Variants in NKAIN2 observed in about 807,000 individuals in gnomAD.
NKAIN2 encodes sodium/potassium-transporting ATPase subunit beta-1-interacting protein 2.
NKAIN2 carries 14 observed loss-of-function variants against 32.6 expected under a neutral mutation model. The observed-to-expected ratio is 0.43, with a 90% confidence interval of 0.28 to 0.67. The LOEUF (loss-of-function observed/expected upper bound fraction) is 0.67, where lower values mean the gene tolerates loss of function less well. NKAIN2 is among the 30% of genes least tolerant of loss of function. The probability of loss-of-function intolerance (pLI) is 0.17; values close to 1 mark genes in which losing one functional copy is unlikely to be tolerated. For synonymous variants in NKAIN2, 80 were observed against 87.2 expected, an observed-to-expected ratio of 0.92 and a Z score of 0.46; for missense variants, 198 against 258.3, an observed-to-expected ratio of 0.77 and a Z score of 1.60.
At chr6:124,730,414 A>C (rs201266182) in intron 4 of NKAIN2, among the ~76,000 whole-genome samples, 6,569 of 55,640 alleles carry the variant, frequency 0.12, 743 homozygotes, top group Middle Eastern at 0.27. Context: ...CGCATATCTA[A>C]AACTATCTGA....
intron 1 of NKAIN2, among the ~76,000 whole-genome samples, chr6:124,211,903 T>C (rs972019624): frequency 1.3e-5 from 2 of 152,096 alleles, no homozygotes; most frequent in African/African-American, 4.8e-5. Flanking sequence ...ATATTCACTT[T>C]TCTTTGTGTG....
chr6:124,510,109 T>A (rs574846916), intron 3 of NKAIN2, among the ~76,000 whole-genome samples: 3 of 151,982 alleles, frequency 2.0e-5, no homozygotes, highest in Admixed American at 2.0e-4. Context: ...CAGGAATAAT[T>A]ACCATGATTT....
At chr6:124,117,460 G>A (rs2114981983) in intron 1 of NKAIN2, among the ~76,000 whole-genome samples, 1 of 152,258 alleles carries the variant, frequency 6.6e-6, no homozygotes, top group South Asian at 2.1e-4. Context: ...CTACTCTGTT[G>A]TAATTTTAGT....
intron 3 of NKAIN2, among the ~76,000 whole-genome samples, chr6:124,529,320 A>G (rs1017242802): frequency 2.6e-5 from 4 of 152,158 alleles, no homozygotes; most frequent in African/African-American, 9.7e-5. Flanking sequence ...GGCCTAAACA[A>G]TGTCACCAAG....
rs536145771 is a variant in NKAIN2, at chr6:124,479,136, A to T, written c.273+123789A>T. Among the ~76,000 whole-genome samples, 17 of 152,288 alleles carry T rather than the reference A, an allele frequency of 1.1e-4. No homozygotes were observed. The South Asian group carries it at 3.1e-3, about 28-fold the overall frequency. On this transcript the variant is annotated intron_variant, in intron 3 of 6. Coordinates refer to ENST00000368417, the MANE Select transcript of NKAIN2 (RefSeq NM_001040214.3). ...TCATCAAAAGCAAGGAAATCTGAGA[A>T]ATTATCATAGTTTAGAGGAGCCTGG...
chr6:124,442,005 C>T (rs1257324813), intron 3 of NKAIN2, among the ~76,000 whole-genome samples: 1 of 152,026 alleles, frequency 6.6e-6, no homozygotes, highest in Non-Finnish European at 1.5e-5. Flanking sequence ...TGGGCTGATG[C>T]TGAGTCTTCT....
At chr6:124,170,801 T>A (rs1037504101) in intron 1 of NKAIN2, among the ~76,000 whole-genome samples, 3 of 152,148 alleles carry the variant, frequency 2.0e-5, no homozygotes, top group African/African-American at 7.2e-5. Flanking sequence ...CTAGGGTGTT[T>A]ATATTTAGCT....
At chr6:123,818,354 AACACACAC>A (rs36066775) in intron 1 of NKAIN2, among the ~76,000 whole-genome samples, 4,162 of 144,556 alleles carry the variant, frequency 0.029, 78 homozygotes, top group Middle Eastern at 0.046. Context: ...TTCTTGTGGA[AACACACAC>A]ACACACACAC....
chr6:123,867,862 ATTTTTT>A (rs1201240894), intron 1 of NKAIN2, among the ~76,000 whole-genome samples: 8 of 129,200 alleles, frequency 6.2e-5, no homozygotes, highest in Non-Finnish European at 1.2e-4. Flanking sequence ...TACTGGGTTC[ATTTTTT>A]TTTTTTTTTT....
intron 3 of NKAIN2, among the ~76,000 whole-genome samples, chr6:124,430,480 C>T (rs1313502774): frequency 6.6e-6 from 1 of 152,036 alleles, no homozygotes; most frequent in Non-Finnish European, 1.5e-5. Context: ...GACGGTTTGG[C>T]CTGCAGTCTT....
intron 1 of NKAIN2, among the ~76,000 whole-genome samples, chr6:123,995,856 G>T (rs1411081312): frequency 6.6e-6 from 1 of 152,110 alleles, no homozygotes; most frequent in Non-Finnish European, 1.5e-5. Flanking sequence ...GAAATATTAT[G>T]TCTGTCATTC....
At chr6:123,929,297 A>G (rs888115608) in intron 1 of NKAIN2, among the ~76,000 whole-genome samples, 1 of 152,132 alleles carries the variant, frequency 6.6e-6, no homozygotes, top group Non-Finnish European at 1.5e-5. Context: ...AATTGTTGCC[A>G]TGGCTTTTTG....
chr6:124,235,623 G>A (rs963000420), intron 1 of NKAIN2, among the ~76,000 whole-genome samples: 4 of 149,802 alleles, frequency 2.7e-5, no homozygotes, highest in African/African-American at 9.8e-5. Flanking sequence ...TCCTGAGACA[G>A]AGTCTCACTC....
chr6:124,512,298 T>C (rs1007018996), intron 3 of NKAIN2, among the ~76,000 whole-genome samples: 7 of 152,194 alleles, frequency 4.6e-5, no homozygotes, highest in African/African-American at 1.4e-4. Context: ...CCGGAGGCTC[T>C]ACTTCTTCCC....
At chr6:123,848,095 A>G (rs750580269) in intron 1 of NKAIN2, among the ~76,000 whole-genome samples, 4 of 152,240 alleles carry the variant, frequency 2.6e-5, no homozygotes, top group Admixed American at 6.5e-5. Context: ...GAAAGTGGAA[A>G]TACTTCCTCA....
intron 5 of NKAIN2, among the ~76,000 whole-genome samples, chr6:124,800,564 C>T (rs1483856378): frequency 6.6e-6 from 1 of 152,072 alleles, no homozygotes; most frequent in Admixed American, 6.5e-5. Context: ...AGGCTGAAGA[C>T]AAAAATCAGT....
chr6:124,281,250 G>T (rs577956592), intron 1 of NKAIN2, among the ~76,000 whole-genome samples: 6 of 152,096 alleles, frequency 3.9e-5, no homozygotes, highest in African/African-American at 1.4e-4. Context: ...AAAATAAGGC[G>T]GAGAGGGTTC....
intron 3 of NKAIN2, among the ~76,000 whole-genome samples, chr6:124,404,609 G>A (rs1773764727): frequency 6.6e-6 from 1 of 151,458 alleles, no homozygotes; most frequent in Non-Finnish European, 1.5e-5. Flanking sequence ...TACTGGAAGG[G>A]AAGTCTTAAT....
chr6:124,442,151 A>G (rs113504523), intron 3 of NKAIN2, among the ~76,000 whole-genome samples: 14 of 152,128 alleles, frequency 9.2e-5, no homozygotes, highest in African/African-American at 3.1e-4. Flanking sequence ...TTCCCCTTCC[A>G]GATCCATAAT....
Sources: gnomAD v4.1 joint callset for allele counts (sites outside exome capture counted in the v4.1 genomes callset) on GRCh38, gnomAD v4.1.1 for gene constraint, MANE v1.5 for transcripts, NCBI Gene and HGNC (gene_info 2026-07-23, HGNC 2026-07-21) for gene names.